GFPT2: variants seen among roughly 807,000 people sequenced by gnomAD.
GFPT2 encodes glutamine--fructose-6-phosphate transaminase 2.
Under a neutral mutation model 85.6 loss-of-function variants are expected in GFPT2, and 62 were observed. The ratio of observed to expected loss-of-function variants is 0.72; its 90% CI spans 0.59 to 0.90. The LOEUF (loss-of-function observed/expected upper bound fraction) is 0.90, where lower values mean the gene tolerates loss of function less well. GFPT2 is among the 40% of genes least tolerant of loss of function. The probability of loss-of-function intolerance (pLI) is 0.00; values close to 1 mark genes in which losing one functional copy is unlikely to be tolerated. For synonymous variants in GFPT2, 368 were observed against 344.5 expected, an observed-to-expected ratio of 1.07 and a Z score of -0.75; for missense variants, 788 against 893.4, an observed-to-expected ratio of 0.88 and a Z score of 1.50.
In GFPT2 at chr5:180,304,785, A is replaced by G; in HGVS notation, c.1829T>C (p.Val610Ala). Residue 610 changes from valine (V) to alanine (A), a missense_variant, in exon 17 of 19, where the codon GTC becomes GCC. Transcript: ENST00000253778. Reference sequence around the variant, plus strand: ...GAGAGCCCTCACCTGGCGGGCCGTGACTTGCTGCAGGGCGTTCTGGCATTT... The same window carrying G: ...GAGAGCCCTCACCTGGCGGGCCGTGGCTTGCTGCAGGGCGTTCTGGCATTT... Reference protein sequence around the residue: ...FAKCQNALQQVTARQGRPIIL... With the variant: ...FAKCQNALQQATARQGRPIIL... 3.7e-6 allele frequency: 6 copies of G among 1,613,212 alleles called. No individual in the cohort carries two copies. The highest frequency in any genetic ancestry group is 5.1e-6 in the Non-Finnish European group (6 of 1,179,546).
At chr5:180,319,053 G>T in intron 9 of GFPT2, 97 bp from the exon 10 acceptor site, 1 of 1,125,536 alleles carries the variant, frequency 8.9e-7, no homozygotes, top group Non-Finnish European at 1.3e-6. Context: ...CCACATCGTT[G>T]GCATTTTAGG....
rs1764461857 is a variant in GFPT2, at chr5:180,339,238, G to C, written c.8-638C>G. Among the ~76,000 whole-genome samples, 2 of 152,066 alleles carry C rather than the reference G, an allele frequency of 1.3e-5. 1 individual carries two copies. The highest frequency in any genetic ancestry group is 4.8e-5 in the African/African-American group (2 of 41,386). ...CTACTAAAAATGCAAAAATTAGCTG[G>C]GTGTGGTGGTGTGTGCCTCTAACCC... is the stretch of plus-strand genomic sequence containing the variant. On this transcript the variant is annotated intron_variant, in intron 1 of 18. Coordinates refer to ENST00000253778, the MANE Select transcript of GFPT2 (RefSeq NM_005110.4).
chr5:180,329,923 T>A (rs896690831), intron 6 of GFPT2, among the ~76,000 whole-genome samples: 1 of 152,202 alleles, frequency 6.6e-6, no homozygotes, highest in Non-Finnish European at 1.5e-5. Context: ...CTCAGGGACT[T>A]CTTCTCCCTG....
chr5:180,319,061 A>G lies in GFPT2; in HGVS notation c.795-105T>C, dbSNP rs1764069837. The G allele has an allele frequency of 6.0e-6, 6 of 999,348 alleles. No individual in the cohort carries two copies. In the East Asian group the frequency reaches 1.5e-4, roughly 25 times the overall value. The allele number at this position is 999,348 out of a possible 1,614,324, so 61.9% of individuals were successfully genotyped here. On this transcript the variant is annotated intron_variant, in intron 9 of 18. Transcript: ENST00000253778. ...GTGGAGGCCACATCGTTGGCATTTT[A>G]GGAGGGACAGAGAGACCACACTAAA...
rs1192538923 is a variant in GFPT2 at position 180,300,856 on chromosome 5, G to A, written c.*708C>T. The A allele has an allele frequency of 6.6e-6, 1 of 152,658 alleles. No individual in the cohort carries two copies. The highest frequency in any genetic ancestry group is 1.5e-5 in the Non-Finnish European group (1 of 68,064). 9.5% of individuals were successfully genotyped at this position (152,658 alleles called of 1,614,324 possible). On this transcript the variant is annotated 3_prime_UTR_variant, in exon 19 of 19. Coordinates refer to ENST00000253778, the MANE Select transcript of GFPT2 (RefSeq NM_005110.4). ...AGGAGCAGGGACCAAAATGCTGCCA[G>A]GGCTTAAAAAGAGCCGTGATCAGAT...
At chr5:180,329,285 T>C (rs369199234) in intron 6 of GFPT2, among the ~76,000 whole-genome samples, 10 of 152,320 alleles carry the variant, frequency 6.6e-5, no homozygotes, top group South Asian at 2.1e-4. Context: ...CCAGGCCTCA[T>C]TGGGGCTTTC....
At position 180,316,332 on chromosome 5, in the gene GFPT2, G is replaced by C; in HGVS notation, c.1273+9C>G. The C allele has an allele frequency of 6.2e-7, 1 of 1,613,980 alleles. No individual in the cohort carries two copies. The highest frequency in any genetic ancestry group is 8.5e-7 in the Non-Finnish European group (1 of 1,179,904). On this transcript the variant is annotated intron_variant, in intron 13 of 18. Coordinates refer to ENST00000253778, the MANE Select transcript of GFPT2 (RefSeq NM_005110.4). ...ATGCAAGGCTGGCCACAATGCCTGT[G>C]TCCCTTACCTGACTGGCTGATGAAA...
At chr5:180,310,891 T>C (rs6878656) in intron 15 of GFPT2, among the ~76,000 whole-genome samples, 27,200 of 147,408 alleles carry the variant, frequency 0.18, 2,940 homozygotes, top group Non-Finnish European at 0.25. Context: ...TGTATTACTA[T>C]GTGAACAATT....
intron 1 of GFPT2, chr5:180,352,365 C>T (rs1469676834): frequency 4.6e-6 from 2 of 433,200 alleles, no homozygotes; most frequent in Non-Finnish European, 9.0e-6. Flanking sequence ...AAAAAGAGCA[C>T]AGTGACCTTT....
intron 14 of GFPT2, among the ~76,000 whole-genome samples, chr5:180,313,539 G>A (rs35808074): frequency 0.07 from 10,575 of 151,396 alleles, 1,143 homozygotes; most frequent in African/African-American, 0.23. Flanking sequence ...GCAGTGAGCC[G>A]AGATCGCGCC....
At chr5:180,352,529 GC>G (rs1172824358) in intron 1 of GFPT2, 1 of 443,876 alleles carries the variant, frequency 2.3e-6, no homozygotes, top group East Asian at 7.7e-5. Flanking sequence ...GGAATCGGAC[GC>G]CCGGCCCCGC....
chr5:180,353,019 C>A, intron 1 of GFPT2, 192 bp downstream of exon 1: 1 of 406,148 alleles, frequency 2.5e-6, no homozygotes, highest in East Asian at 3.9e-5. Context: ...ACCTCCGAGA[C>A]GGCCACTCGG....
At chr5:180,316,736 C>A in intron 12 of GFPT2, 28 bp downstream of exon 12, 2 of 1,516,114 alleles carry the variant, frequency 1.3e-6, no homozygotes, top group Non-Finnish European at 1.8e-6. Context: ...CTGCCGTCGA[C>A]TTCCCCACGC....
chr5:180,325,065 C>G (rs1422783430), intron 7 of GFPT2, among the ~76,000 whole-genome samples, 170 bp from the exon 8 acceptor site: 2 of 152,158 alleles, frequency 1.3e-5, no homozygotes, highest in African/African-American at 4.8e-5. Context: ...AAGGCCAGCT[C>G]CTGAGTCCCA....
intron 7 of GFPT2, among the ~76,000 whole-genome samples, chr5:180,327,389 C>T (rs1764227731): frequency 6.6e-6 from 1 of 152,224 alleles, no homozygotes; most frequent in Admixed American, 6.5e-5. Context: ...CACCATGCCC[C>T]CACCTTGCCA....
intron 7 of GFPT2, among the ~76,000 whole-genome samples, chr5:180,327,536 C>A (rs1345957909): frequency 6.6e-6 from 1 of 152,226 alleles, no homozygotes; most frequent in Non-Finnish European, 1.5e-5. Flanking sequence ...TGGGGCCGGG[C>A]ACAGGGCATC....
chr5:180,304,928 C>T lies in GFPT2; in HGVS notation c.1686G>A (p.Glu562=). The T allele has an allele frequency of 6.2e-6, 10 of 1,608,146 alleles. No individual in the cohort carries two copies. The highest frequency in any genetic ancestry group is 8.5e-6 in the Non-Finnish European group (10 of 1,175,016). The change falls in exon 17 of 19, where the codon GAG becomes GAA. Residue 562 remains glutamate (E), a synonymous_variant. Transcript: ENST00000253778. ...TGCCTTCTGAGTGCATGTAGGTTAT[C>T]TCTTTAATTTTCTGGAAACAGGAGG... The part of the protein sequence containing the change: ...TCLEGALKIK[E]ITYMHSEGIL...
intron 16 of GFPT2, among the ~76,000 whole-genome samples, chr5:180,306,781 A>T (rs1763786131): frequency 6.6e-6 from 1 of 152,170 alleles, no homozygotes; most frequent in African/African-American, 2.4e-5. Context: ...CTTGAGTGAG[A>T]TACTTAAGCT....
chr5:180,328,188 C>T lies in GFPT2; in HGVS notation c.596+89G>A. The T allele has an allele frequency of 1.0e-6, 1 of 1,000,732 alleles. No homozygotes were observed. The highest frequency in any genetic ancestry group is 1.6e-6 in the Non-Finnish European group (1 of 627,302). The allele number at this position is 1,000,732 out of a possible 1,614,324, so 62.0% of individuals were successfully genotyped here. On this transcript the variant is annotated intron_variant, in intron 7 of 18. Coordinates refer to ENST00000253778, the MANE Select transcript of GFPT2 (RefSeq NM_005110.4). This position sits in a 1 kb window ranked among gnomAD's most constrained non-coding sequence, Gnocchi z 5.4. ...GACACCACGAGCACCTTTCAGCGTG[C>T]CACAGGCCCTACCTCTCCCGTCTCC... is the stretch of plus-strand genomic sequence containing the variant.
Sources: allele counts gnomAD v4.1 joint callset (sites outside exome capture counted in the v4.1 genomes callset), GRCh38; gene constraint gnomAD v4.1.1; non-coding constraint Gnocchi (gnomAD v3.1); transcripts MANE v1.5; gene names NCBI Gene and HGNC (gene_info 2026-07-23, HGNC 2026-07-21).